TENM4: variants seen among roughly 807,000 people sequenced by gnomAD.
The protein encoded by TENM4 is teneurin-4.
A neutral mutation model predicts 243.3 loss-of-function variants in TENM4; 82 were observed. That is an observed-to-expected ratio of 0.34 (90% CI 0.28 to 0.40). The LOEUF (loss-of-function observed/expected upper bound fraction) is 0.40, where lower values mean the gene tolerates loss of function less well. Among genes scored for constraint, TENM4 ranks in the 10% least tolerant of loss-of-function variants. The pLI is 1.00. For missense variants in TENM4, 3,138 were observed against 3,673.3 expected, an observed-to-expected ratio of 0.85 and a Z score of 3.77; for synonymous variants, 1,412 against 1,456.3, an observed-to-expected ratio of 0.97 and a Z score of 0.69.
At chr11:79,139,707 A>C (rs1862231873) in intron 4 of TENM4, among the ~76,000 whole-genome samples, 1 of 103,616 alleles carries the variant, frequency 9.7e-6, no homozygotes, top group African/African-American at 4.0e-5. Flanking sequence ...TATAATATTT[A>C]TATAAGTATA....
intron 1 of TENM4, among the ~76,000 whole-genome samples, chr11:79,403,844 TATCTC>T (rs1298065664): frequency 6.6e-6 from 1 of 152,166 alleles, no homozygotes; most frequent in African/African-American, 2.4e-5. Context: ...TCACCAGTCT[TATCTC>T]ATTTAATCCT....
At chr11:78,873,224 T>C (rs941626508) in intron 9 of TENM4, among the ~76,000 whole-genome samples, 1 of 152,196 alleles carries the variant, frequency 6.6e-6, no homozygotes, top group Admixed American at 6.5e-5. Flanking sequence ...TGCTTCTTGT[T>C]TGATTACACA....
At chr11:78,948,270 A>G (rs560632451) in intron 6 of TENM4, among the ~76,000 whole-genome samples, 1 of 152,338 alleles carries the variant, frequency 6.6e-6, no homozygotes, top group South Asian at 2.1e-4. Context: ...TAAGAATAAG[A>G]GCATTCTATC....
At chr11:79,412,429 C>G (rs1352431591) in intron 1 of TENM4, among the ~76,000 whole-genome samples, 2 of 152,162 alleles carry the variant, frequency 1.3e-5, no homozygotes, top group African/African-American at 2.4e-5. Context: ...TTGGAACACC[C>G]AACCCCATTC....
chr11:78,810,748 CT>C, intron 14 of TENM4, among the ~76,000 whole-genome samples: 2 of 152,204 alleles, frequency 1.3e-5, no homozygotes, highest in Middle Eastern at 6.8e-3. Context: ...GAAAATGGGC[CT>C]GTTAATGTTC....
intron 18 of TENM4, among the ~76,000 whole-genome samples, chr11:78,768,819 C>G (rs535068905): frequency 2.6e-5 from 4 of 152,304 alleles, no homozygotes; most frequent in South Asian, 2.1e-4. Flanking sequence ...CTCTCTCCCC[C>G]CGAGCTGTGG....
At chr11:79,096,530 A>C (rs1565202037) in intron 4 of TENM4, 1 of 113,720 alleles carries the variant, frequency 8.8e-6, no homozygotes, top group Non-Finnish European at 1.7e-5. Flanking sequence ...CACCCAAACC[A>C]GGACAGCAGC....
intron 11 of TENM4, among the ~76,000 whole-genome samples, chr11:78,854,931 A>G (rs1858641917): frequency 6.6e-6 from 1 of 152,222 alleles, no homozygotes; most frequent in Non-Finnish European, 1.5e-5. Flanking sequence ...TGTGTCAAAT[A>G]CAATTGCCAA....
At chr11:78,851,582 G>T (rs1301336663) in intron 12 of TENM4, among the ~76,000 whole-genome samples, 1 of 152,144 alleles carries the variant, frequency 6.6e-6, no homozygotes, top group Non-Finnish European at 1.5e-5. Context: ...TTTTGAACAA[G>T]CACTACTCTA....
chr11:79,083,967 A>ATGTG (rs138997875), intron 4 of TENM4, among the ~76,000 whole-genome samples: 1,848 of 151,708 alleles, frequency 0.012, 36 homozygotes, highest in African/African-American at 0.041. Context: ...ATATATATAT[A>ATGTG]TGTGTGTGTG....
intron 12 of TENM4, 112 bp downstream of exon 12, chr11:78,853,992 G>T: frequency 9.2e-7 from 1 of 1,086,408 alleles, no homozygotes; most frequent in Non-Finnish European, 1.3e-6. Flanking sequence ...CAAGCTCCAG[G>T]GCCATCCACA....
chr11:79,069,826 C>T lies in TENM4; in HGVS notation c.119G>A (p.Ser40Asn), dbSNP rs1463723707. Residue 40 changes from serine (S) to asparagine (N), a missense_variant, in exon 5 of 34, where the codon AGC becomes AAC. Physicochemically the swap from Ser to Asn is conservative, Grantham distance 46. This residue lies in a region of TENM4 where 671 missense variants were observed against 614.1 expected (regional missense o/e 1.09). Transcript: ENST00000278550. ...GTAGGCCTTCAGGGTCTCGCTGGAG[C>T]TGTACGATTTCTGCGGGGCTTTGCC... is the stretch of plus-strand genomic sequence containing the variant. ...EEGKAPQKSY[S>N]SSETLKAYDQ... 5 of 1,551,056 alleles carry T rather than the reference C, an allele frequency of 3.2e-6. No homozygotes were observed. The highest frequency in any genetic ancestry group is 4.4e-6 in the Non-Finnish European group (5 of 1,146,900).
At chr11:78,791,447 C>T (rs1485896910) in intron 15 of TENM4, among the ~76,000 whole-genome samples, 1 of 152,174 alleles carries the variant, frequency 6.6e-6, no homozygotes, top group Admixed American at 6.5e-5. Flanking sequence ...CAGCTCCTCT[C>T]CTAGTCACAA....
chr11:78,783,893 C>T (rs1039989493), intron 16 of TENM4, among the ~76,000 whole-genome samples: 48 of 152,152 alleles, frequency 3.2e-4, no homozygotes, highest in East Asian at 7.7e-4. Context: ...AGGCTCTTAA[C>T]GCTGGGGACT....
chr11:78,972,096 T>C (rs527681287), intron 6 of TENM4, among the ~76,000 whole-genome samples: 1 of 152,346 alleles, frequency 6.6e-6, no homozygotes, highest in South Asian at 2.1e-4. Context: ...TTTTTTCAAG[T>C]AACACATTGT....
chr11:79,198,394 G>A (rs1181554046), intron 3 of TENM4, among the ~76,000 whole-genome samples: 1 of 152,166 alleles, frequency 6.6e-6, no homozygotes, highest in African/African-American at 2.4e-5. Context: ...CTGGGGAGGC[G>A]CCAGGCCTGG....
chr11:79,234,883 C>G (rs1410448170), intron 2 of TENM4, among the ~76,000 whole-genome samples: 1 of 152,088 alleles, frequency 6.6e-6, no homozygotes, highest in African/African-American at 2.4e-5. Flanking sequence ...ACCTGGCTTG[C>G]GGGGTCTGGC....
Position 79,010,301 on chromosome 11 carries a change from G to A in TENM4, c.493+54437C>T, listed in dbSNP as rs185741309. Among the ~76,000 whole-genome samples the A allele has an allele frequency of 1.1e-4, 17 of 152,252 alleles. No homozygotes were observed. In the East Asian group the frequency reaches 1.4e-3, roughly 12 times the overall value. ...TGCTGCAAAGGAACTCACTGTTTGC[G>A]GGGAGAAGGGCTGTGAAGGGGGCAG... On this transcript the variant is annotated intron_variant, in intron 6 of 33. Transcript: ENST00000278550.
intron 6 of TENM4, among the ~76,000 whole-genome samples, chr11:79,025,849 G>C: frequency 6.6e-6 from 1 of 152,136 alleles, no homozygotes; most frequent in Non-Finnish European, 1.5e-5. Context: ...GATCTCTCTC[G>C]ATTACAATGA....
Sources: gnomAD v4.1 joint callset for allele counts (sites outside exome capture counted in the v4.1 genomes callset) on GRCh38, gnomAD v4.1.1 for gene constraint, gnomAD v4.1.1 regional missense constraint, MANE v1.5 for transcripts, NCBI Gene and HGNC (gene_info 2026-07-23, HGNC 2026-07-21) for gene names.